Variants in MRC1 observed in about 807,000 individuals in gnomAD.
The protein encoded by MRC1 is mannose receptor C-type 1, also known as macrophage mannose receptor 1.
MRC1 carries 62 observed loss-of-function variants against 102.9 expected under a neutral mutation model. The observed-to-expected ratio is 0.60, with a 90% CI of 0.49 to 0.74. The LOEUF is 0.74. Among genes scored for constraint, MRC1 ranks in the 30% least tolerant of loss-of-function variants. The pLI is 0.00. For missense variants in MRC1, 1,237 were observed against 862.8 expected (o/e 1.43, Z -5.43); for synonymous variants, 457 against 298.4 (o/e 1.53, Z -5.48).
intron 2 of MRC1, among the ~76,000 whole-genome samples, chr10:17,825,822 T>C (rs1589165746): frequency 6.6e-6 from 1 of 152,354 alleles, no homozygotes; most frequent in East Asian, 1.9e-4. Context: ...CCAGTACAAC[T>C]AACCCCAAGG....
intron 1 of MRC1, among the ~76,000 whole-genome samples, chr10:17,813,535 C>T (rs1310208958): frequency 2.0e-5 from 3 of 151,496 alleles, no homozygotes; most frequent in Non-Finnish European, 4.4e-5. Flanking sequence ...AAAATACAAG[C>T]ACCTTTCTCC....
In MRC1 at chr10:17,909,460, C is replaced by T. The variant is rs1833940094; in HGVS notation, c.4120+113C>T. The T allele has an allele frequency of 6.7e-5, 49 of 730,250 alleles. 1 individual carries two copies. In the South Asian group the frequency reaches 7.2e-4, roughly 11 times the overall value. The allele number at this position is 730,250 out of a possible 1,614,324, so 45.2% of individuals were successfully genotyped here. The stretch of plus-strand genomic sequence containing the variant: ...TCCCCTGCTCTCTCAGTAGAATTTG[C>T]TTAAGCTAAACTATCCTTTGTCATC... On this transcript the variant is annotated intron_variant, in intron 29 of 29. Coordinates refer to ENST00000569591, the MANE Select transcript of MRC1 (RefSeq NM_002438.4).
At chr10:17,904,949 C>T (rs1328372879) in intron 26 of MRC1, among the ~76,000 whole-genome samples, 5 of 152,300 alleles carry the variant, frequency 3.3e-5, no homozygotes, top group Non-Finnish European at 4.4e-5. Context: ...ATTATCACTG[C>T]CTTAGATGGT....
chr10:17,853,365 G>T (rs1273821265), intron 8 of MRC1, among the ~76,000 whole-genome samples: 1 of 151,952 alleles, frequency 6.6e-6, no homozygotes, highest in Non-Finnish European at 1.5e-5. Context: ...GATGAAATTC[G>T]CCTGTAATGA....
intron 5 of MRC1, 171 bp from the exon 6 acceptor site, chr10:17,845,118 C>T: frequency 1.3e-6 from 1 of 778,544 alleles, no homozygotes; most frequent in East Asian, 2.4e-5. Flanking sequence ...AATAGACACC[C>T]ATCGTGTCTT....
At position 17,809,597 on chromosome 10, in the gene MRC1, T is replaced by C. The variant is rs1554837291; in HGVS notation, c.61+71T>C. The stretch of plus-strand genomic sequence containing the variant: ...ACCACACCTTCCTCTTCTGGGTTAC[T>C]GTGAATGGGTTCCTTTCAACATCTT... On this transcript the variant is annotated intron_variant, in intron 1 of 29. Transcript: ENST00000569591. The C allele has an allele frequency of 7.6e-5, 65 of 851,172 alleles. 1 individual carries two copies. Among genetic ancestry groups the C allele is most frequent in the South Asian group, 7.2e-4 (55 of 76,068 alleles). 52.7% of individuals were successfully genotyped at this position (851,172 alleles called of 1,614,324 possible).
Position 17,881,112 on chromosome 10 carries a change from C to G in MRC1, c.2911C>G (p.Gln971Glu), listed in dbSNP as rs975378643. The G allele has an allele frequency of 2.5e-4, 194 of 780,604 alleles. 1 individual carries two copies. The South Asian group carries it at 2.5e-3, about 10-fold the overall frequency. The allele number at this position is 780,604 out of a possible 1,614,324, so 48.4% of individuals were successfully genotyped here. A position where few individuals can be genotyped will look rare whatever the true frequency, so the allele number is the denominator to read the frequency against. ...TATGGAAGAAGAAAGAAAAAATTGG[C>G]AAGAGGCACGAAAAGCTTGTATAGG... The part of the protein sequence containing the change: ...GFMEEERKNW[Q>E]EARKACIGFG... The change falls in exon 21 of 30, where the codon CAA (glutamine) becomes GAA (glutamate). Residue 971 changes from glutamine (Q) to glutamate (E), a missense_variant. Gln to Glu is a conservative substitution (Grantham distance 29). Coordinates refer to ENST00000569591, the MANE Select transcript of MRC1 (RefSeq NM_002438.4).
chr10:17,862,505 T>C (rs1223541183), intron 10 of MRC1, among the ~76,000 whole-genome samples: 3 of 152,200 alleles, frequency 2.0e-5, no homozygotes, highest in African/African-American at 7.2e-5. Context: ...CATTTGGACA[T>C]TTGTACATCC....
intron 21 of MRC1, among the ~76,000 whole-genome samples, chr10:17,881,670 ATTTTTTTTTT>A (rs1184943960): frequency 9.7e-6 from 1 of 102,782 alleles, no homozygotes; most frequent in South Asian, 3.3e-4. Context: ...ACAAATTTTG[ATTTTTTTTTT>A]TTTTTTTTTT....
intron 11 of MRC1, among the ~76,000 whole-genome samples, chr10:17,866,209 G>A (rs1028899976): frequency 2.7e-5 from 4 of 150,832 alleles, no homozygotes; most frequent in African/African-American, 9.7e-5. Flanking sequence ...GTAGACCTTA[G>A]TGGGAGGAAA....
chr10:17,866,513 C>G (rs782586693), intron 11 of MRC1, 49 bp from the exon 12 acceptor site: 1 of 780,836 alleles, frequency 1.3e-6, no homozygotes, highest in South Asian at 1.3e-5. Context: ...CACGGCAGGC[C>G]TTCAGCAGGC....
chr10:17,830,976 C>T (rs1838561789), intron 3 of MRC1, among the ~76,000 whole-genome samples: 1 of 150,828 alleles, frequency 6.6e-6, no homozygotes, highest in Admixed American at 6.6e-5. Flanking sequence ...GCAACCTCTG[C>T]CTCCCGGGTT....
intron 4 of MRC1, among the ~76,000 whole-genome samples, chr10:17,837,490 A>G (rs946827574): frequency 4.6e-5 from 7 of 152,326 alleles, no homozygotes; most frequent in East Asian, 1.9e-4. Context: ...TGTAATTGCA[A>G]TCCACTCTAT....
At chr10:17,829,436 C>A (rs931009147) in intron 3 of MRC1, among the ~76,000 whole-genome samples, 1 of 151,420 alleles carries the variant, frequency 6.6e-6, no homozygotes, top group Non-Finnish European at 1.5e-5. Flanking sequence ...AATGAATACT[C>A]ACAAAAGCCC....
At chr10:17,904,894 C>G (rs1833876234) in intron 26 of MRC1, among the ~76,000 whole-genome samples, 1 of 152,172 alleles carries the variant, frequency 6.6e-6, no homozygotes, top group South Asian at 2.1e-4. Flanking sequence ...CATTCCCTAG[C>G]TTTTCCTTTT....
chr10:17,885,581 C>T, intron 22 of MRC1, 146 bp downstream of exon 22: 1 of 666,790 alleles, frequency 1.5e-6, no homozygotes, highest in Non-Finnish European at 2.7e-6. Flanking sequence ...TCAGACTGAG[C>T]TGACTTTGAG....
rs1589196625 is a variant in MRC1, at chr10:17,902,185, A to G, written c.3799+63A>G. ...ATCTATTCTGGGGTCCACTGACACT[A>G]TACATGAAATATACAAAGAATGTAA... is the stretch of plus-strand genomic sequence containing the variant. On this transcript the variant is annotated intron_variant, in intron 26 of 29. Transcript: ENST00000569591. 4 of 714,216 alleles carry G rather than the reference A, an allele frequency of 5.6e-6. No homozygotes were observed. In the Admixed American group the frequency reaches 8.9e-5, roughly 16 times the overall value. The allele number at this position is 714,216 out of a possible 1,614,324, so 44.2% of individuals were successfully genotyped here.
chr10:17,833,892 A>G lies in MRC1; in HGVS notation c.802+53A>G, dbSNP rs186352417. ...ATCATGACTGCTTTATTTTTATATAATTTAACTTAGAAGTCAACAGCACAA... is the reference window on the plus strand; with the variant it reads ...ATCATGACTGCTTTATTTTTATATAGTTTAACTTAGAAGTCAACAGCACAA... On this transcript the variant is annotated intron_variant, in intron 4 of 29. Transcript: ENST00000569591. 3,239 of 775,372 alleles carry G rather than the reference A, an allele frequency of 4.2e-3. 16 individuals are homozygous for G. Among genetic ancestry groups the G allele is most frequent in the Middle Eastern group, 6.4e-3 (28 of 4,390 alleles). The allele number at this position is 775,372 out of a possible 1,614,324, so 48.0% of individuals were successfully genotyped here.
chr10:17,901,097 A>G (rs1487715147), intron 25 of MRC1, 144 bp downstream of exon 25: 5 of 672,570 alleles, frequency 7.4e-6, no homozygotes, highest in African/African-American at 5.4e-5. Flanking sequence ...TCAAAAGACT[A>G]TCTTTATAAA....
Sources: allele counts gnomAD v4.1 joint callset (sites outside exome capture counted in the v4.1 genomes callset), GRCh38; gene constraint gnomAD v4.1.1; transcripts MANE v1.5; gene names NCBI Gene and HGNC (gene_info 2026-07-23, HGNC 2026-07-21).